PC: variants seen among roughly 807,000 people sequenced by gnomAD.
PC encodes pyruvate carboxylase, mitochondrial.
PC carries 46 observed loss-of-function variants against 107.8 expected under a neutral mutation model. That is an observed-to-expected ratio of 0.43 (90% confidence interval 0.34 to 0.55). PC has a LOEUF of 0.55. Among genes scored for constraint, PC ranks in the 20% least tolerant of loss-of-function variants. The pLI, the probability that PC is intolerant of heterozygous loss-of-function variation, is 0.04. For missense variants in PC, 1,241 were observed against 1,643.1 expected, an observed-to-expected ratio of 0.76 and a Z score of 4.23; for synonymous variants, 662 against 684.7, an observed-to-expected ratio of 0.97 and a Z score of 0.52.
At chr11:66,854,720 C>G (rs1229561046) in intron 12 of PC, among the ~76,000 whole-genome samples, 1 of 152,184 alleles carries the variant, frequency 6.6e-6, no homozygotes, top group Non-Finnish European at 1.5e-5. Context: ...CACCCAGACT[C>G]CTCTGAGCTC....
chr11:66,948,648 T>C (rs1949364156), intron 3 of PC, among the ~76,000 whole-genome samples: 1 of 152,172 alleles, frequency 6.6e-6, no homozygotes, highest in Non-Finnish European at 1.5e-5. Flanking sequence ...GAGATGAGCC[T>C]GGGCAATGTG....
intron 3 of PC, among the ~76,000 whole-genome samples, chr11:66,920,007 T>G (rs995617363): frequency 6.6e-6 from 1 of 152,200 alleles, no homozygotes; most frequent in East Asian, 1.9e-4. Context: ...GTTACCATGG[T>G]GCCTAGCACA....
intron 3 of PC, among the ~76,000 whole-genome samples, chr11:66,942,948 G>A (rs1318060717): frequency 6.6e-6 from 1 of 151,674 alleles, no homozygotes; most frequent in African/African-American, 2.4e-5. Flanking sequence ...CCCGGGAGGC[G>A]GAGGTTGCGG....
intron 3 of PC, among the ~76,000 whole-genome samples, chr11:66,880,217 G>T (rs953670451): frequency 6.6e-6 from 1 of 152,162 alleles, no homozygotes; most frequent in African/African-American, 2.4e-5. Context: ...GGGAGAAACC[G>T]CACTGTAAGA....
chr11:66,929,070 C>T (rs1225600962), intron 3 of PC, among the ~76,000 whole-genome samples: 2 of 152,028 alleles, frequency 1.3e-5, no homozygotes, highest in Non-Finnish European at 2.9e-5. Flanking sequence ...TACCTAGTAC[C>T]GACAGGTCAA....
rs913985026 is a variant in PC, at chr11:66,885,452, T to C, written c.1-13293A>G. Among the ~76,000 whole-genome samples, 15 of 144,844 alleles carry C rather than the reference T, an allele frequency of 1.0e-4. 1 individual carries two copies. The East Asian group carries it at 2.4e-3, about 23-fold the overall frequency. Reference sequence around the variant, plus strand: ...GTTGCAGTGAGCCGAGATGGCGCCATTGCACTCCAGCCTGGGCAACAGTGA... The same window carrying C: ...GTTGCAGTGAGCCGAGATGGCGCCACTGCACTCCAGCCTGGGCAACAGTGA... On this transcript the variant is annotated intron_variant, in intron 3 of 22. Transcript: ENST00000393960.
At chr11:66,940,817 G>A (rs1300552316) in intron 3 of PC, among the ~76,000 whole-genome samples, 2 of 152,106 alleles carry the variant, frequency 1.3e-5, no homozygotes, top group Admixed American at 1.3e-4. Context: ...GCCAGGCACA[G>A]TGGCTCACGC....
intron 3 of PC, among the ~76,000 whole-genome samples, chr11:66,941,795 A>T (rs1259557278): frequency 6.6e-6 from 1 of 151,552 alleles, no homozygotes; most frequent in African/African-American, 2.4e-5. Flanking sequence ...CCTGGCCCCC[A>T]TCATTCAGCC....
At chr11:66,901,507 T>C (rs973183333) in intron 3 of PC, among the ~76,000 whole-genome samples, 4 of 152,096 alleles carry the variant, frequency 2.6e-5, no homozygotes, top group African/African-American at 4.8e-5. Flanking sequence ...TCCCGCTCTG[T>C]CACCCAGGCT....
Position 66,871,546 on chromosome 11 carries a change from T to C in PC, c.322-66A>G. On this transcript the variant is annotated intron_variant, in intron 5 of 22. Transcript: ENST00000393960. This position sits in a 1 kb window ranked among gnomAD's most constrained non-coding sequence, Gnocchi z 7.4. ...CCTTCCAAGGCCTCGGCCAGCCTCT[T>C]CCCCTGCCTAACCTGCTGAGCTGCA... 1 of 1,603,112 alleles carries C rather than the reference T, an allele frequency of 6.2e-7. No individual in the cohort carries two copies. Among genetic ancestry groups the C allele is most frequent in the Non-Finnish European group, 8.5e-7 (1 of 1,171,566 alleles).
intron 3 of PC, among the ~76,000 whole-genome samples, chr11:66,910,592 G>T (rs746652940): frequency 1.1e-4 from 17 of 152,110 alleles, no homozygotes; most frequent in Non-Finnish European, 1.9e-4. Context: ...CCATACGGCC[G>T]GTGGAAGCAA....
At chr11:66,864,073 G>T in intron 11 of PC, 117 bp from the exon 12 acceptor site, 2 of 994,036 alleles carry the variant, frequency 2.0e-6, no homozygotes, top group Non-Finnish European at 3.1e-6. Context: ...AGCGTGGGGT[G>T]TCTGCAGGTG....
At chr11:66,864,588 G>A (rs909211757) in intron 11 of PC, among the ~76,000 whole-genome samples, 3 of 152,232 alleles carry the variant, frequency 2.0e-5, no homozygotes, top group African/African-American at 7.2e-5. Flanking sequence ...AGGAGGCAAC[G>A]AGGAGGAAGT....
chr11:66,909,968 T>C (rs899422050), intron 3 of PC, among the ~76,000 whole-genome samples: 5 of 152,156 alleles, frequency 3.3e-5, no homozygotes, highest in African/African-American at 1.2e-4. Context: ...CAACACAGCA[T>C]GATCCATGCT....
intron 3 of PC, among the ~76,000 whole-genome samples, chr11:66,923,138 G>A (rs569423316): frequency 2.6e-5 from 4 of 152,140 alleles, no homozygotes; most frequent in South Asian, 2.1e-4. Context: ...AGGCTGAGGC[G>A]GGTGGATCAC....
At chr11:66,895,898 C>T (rs544499962) in intron 3 of PC, among the ~76,000 whole-genome samples, 3 of 152,272 alleles carry the variant, frequency 2.0e-5, no homozygotes, top group South Asian at 4.1e-4. Context: ...CACAGGCCTA[C>T]ACCAAGGCAC....
chr11:66,902,441 ATAT>A (rs1947992016), intron 3 of PC, among the ~76,000 whole-genome samples: 1 of 152,118 alleles, frequency 6.6e-6, no homozygotes, highest in South Asian at 2.1e-4. Flanking sequence ...TGTAAGGGGA[ATAT>A]TATTGTAAGC....
chr11:66,907,618 C>T (rs1396275611), intron 3 of PC, among the ~76,000 whole-genome samples: 1 of 152,182 alleles, frequency 6.6e-6, no homozygotes, highest in Non-Finnish European at 1.5e-5. Flanking sequence ...CAGAACAGTC[C>T]CCACAGCTCT....
At chr11:66,957,967 C>T (rs1219873118) in intron 1 of PC, 1 of 152,230 alleles carries the variant, frequency 6.6e-6, no homozygotes, top group African/African-American at 2.4e-5. Flanking sequence ...TCAGGGACCT[C>T]GCGCGAGGCG....
Sources: gnomAD v4.1 joint callset for allele counts (sites outside exome capture counted in the v4.1 genomes callset) on GRCh38, gnomAD v4.1.1 for gene constraint, Gnocchi (gnomAD v3.1) non-coding constraint, MANE v1.5 for transcripts, NCBI Gene and HGNC (gene_info 2026-07-23, HGNC 2026-07-21) for gene names.